Variants in CACNG4 observed in about 807,000 individuals in gnomAD.
CACNG4 encodes voltage-dependent calcium channel gamma-4 subunit.
A neutral mutation model predicts 22.9 loss-of-function variants in CACNG4; 8 were observed. That is an observed-to-expected ratio of 0.35 (90% CI 0.21 to 0.63). CACNG4 has a LOEUF of 0.63. Ranked by LOEUF, CACNG4 falls within the 30% of genes least tolerant of loss-of-function variation. The pLI is 0.72. For missense variants in CACNG4, 357 were observed against 455.4 expected (o/e 0.78, Z 1.97); for synonymous variants, 188 against 191.9 (o/e 0.98, Z 0.17).
At chr17:67,029,663 C>CAA (rs1473133960) in intron 3 of CACNG4, among the ~76,000 whole-genome samples, 5 of 138,898 alleles carry the variant, frequency 3.6e-5, no homozygotes, top group Admixed American at 7.4e-5. Flanking sequence ...CAAACAAAAA[C>CAA]AAACAAATCC....
intron 1 of CACNG4, among the ~76,000 whole-genome samples, chr17:66,985,951 A>AAG (rs1236210894): frequency 1.4e-5 from 2 of 147,714 alleles, no homozygotes; most frequent in East Asian, 1.9e-4. Flanking sequence ...AGGAAAAAAA[A>AAG]AAGAAGAAGA....
rs2035620964 is a variant in CACNG4, at chr17:67,033,268, C to T, written c.*2264C>T. 6.6e-6 allele frequency: 1 copy of T among 152,330 alleles called. No individual in the cohort carries two copies. The allele number at this position is 152,330 out of a possible 1,614,324, so 9.4% of individuals were successfully genotyped here. On this transcript the variant is annotated 3_prime_UTR_variant, in exon 4 of 4. Coordinates refer to ENST00000262138, the MANE Select transcript of CACNG4 (RefSeq NM_014405.4). ...TGGCCTGTGCCCACCTTCTCTCCCT[C>T]CTCCCGACCCGCCCCCTCGCCCCCA... is the stretch of plus-strand genomic sequence containing the variant.
At chr17:67,018,118 C>T (rs1462182357) in intron 1 of CACNG4, 71 bp from the exon 2 acceptor site, 3 of 1,162,382 alleles carry the variant, frequency 2.6e-6, no homozygotes, top group East Asian at 2.3e-5. Flanking sequence ...ACATGGCAAC[C>T]GTGTCTGGAG....
intron 1 of CACNG4, among the ~76,000 whole-genome samples, chr17:66,999,103 T>A (rs1174629155): frequency 6.6e-6 from 1 of 152,124 alleles, no homozygotes; most frequent in Non-Finnish European, 1.5e-5. Flanking sequence ...GGCAACTCAC[T>A]GAACCTCTCA....
chr17:67,015,282 A>G (rs980520990), intron 1 of CACNG4, among the ~76,000 whole-genome samples: 41 of 152,204 alleles, frequency 2.7e-4, no homozygotes, highest in African/African-American at 9.4e-4. Context: ...CCCAAAGCTT[A>G]CATGCTGTAT....
intron 1 of CACNG4, among the ~76,000 whole-genome samples, chr17:66,971,495 A>T (rs1283797537): frequency 1.3e-5 from 2 of 152,176 alleles, no homozygotes; most frequent in African/African-American, 4.8e-5. Flanking sequence ...TGCAGAAAGG[A>T]CAGACAGGTC....
At chr17:66,974,796 T>C (rs2035226054) in intron 1 of CACNG4, among the ~76,000 whole-genome samples, 1 of 152,204 alleles carries the variant, frequency 6.6e-6, no homozygotes, top group African/African-American at 2.4e-5. Flanking sequence ...CCCCAGGCTC[T>C]CTGCAGGCTT....
intron 1 of CACNG4, among the ~76,000 whole-genome samples, chr17:67,010,886 C>A (rs1005954855): frequency 6.6e-6 from 1 of 152,168 alleles, no homozygotes; most frequent in Non-Finnish European, 1.5e-5. Flanking sequence ...CAGAGAGACA[C>A]AGGCATGCTC....
At chr17:66,973,722 C>G (rs2035218794) in intron 1 of CACNG4, among the ~76,000 whole-genome samples, 1 of 152,214 alleles carries the variant, frequency 6.6e-6, no homozygotes, top group Non-Finnish European at 1.5e-5. Flanking sequence ...ATGACAGCCT[C>G]CCCTCAACAA....
chr17:66,981,553 G>A (rs2035272829), intron 1 of CACNG4, among the ~76,000 whole-genome samples: 1 of 152,202 alleles, frequency 6.6e-6, no homozygotes, highest in African/African-American at 2.4e-5. Context: ...GCAAAGCACT[G>A]GGTCAGGGTT....
chr17:66,971,945 A>G (rs1195139282), intron 1 of CACNG4, among the ~76,000 whole-genome samples: 2 of 152,092 alleles, frequency 1.3e-5, no homozygotes, highest in Non-Finnish European at 2.9e-5. Context: ...GGAGATGGAG[A>G]TATCAGGAGG....
chr17:66,972,678 C>A (rs557570172), intron 1 of CACNG4, among the ~76,000 whole-genome samples: 98 of 152,290 alleles, frequency 6.4e-4, no homozygotes, highest in African/African-American at 2.2e-3. Flanking sequence ...GTAATCCCAG[C>A]ACTTTGGGAG....
chr17:66,999,273 A>C (rs1775957685), intron 1 of CACNG4, among the ~76,000 whole-genome samples: 1 of 131,266 alleles, frequency 7.6e-6, no homozygotes, highest in African/African-American at 3.3e-5. Flanking sequence ...TTGGCAGTAG[A>C]GTTGGTGGTG....
chr17:66,975,217 C>A (rs1359644386), intron 1 of CACNG4, among the ~76,000 whole-genome samples: 1 of 152,190 alleles, frequency 6.6e-6, no homozygotes, highest in African/African-American at 2.4e-5. Flanking sequence ...GAGTAAAAAT[C>A]ATCAGTCTCC....
At position 66,977,823 on chromosome 17, in the gene CACNG4, C is replaced by T. The variant is rs541310201; in HGVS notation, c.220+12692C>T. ...ACCTGCTGAGTGCCTGGCTTCAGGC[C>T]GGGCATTGTGGGCACAGAAAGCCCC... On this transcript the variant is annotated intron_variant, in intron 1 of 3. Transcript: ENST00000262138. Among the ~76,000 whole-genome samples, 193 of 152,284 alleles carry T rather than the reference C, an allele frequency of 1.3e-3. 1 individual carries two copies. In the South Asian group the frequency reaches 0.017, roughly 14 times the overall value.
Position 67,031,315 on chromosome 17 carries a change from G to A in CACNG4, c.*311G>A, listed in dbSNP as rs572096241. The A allele has an allele frequency of 3.0e-5, 17 of 570,876 alleles. No individual in the cohort carries two copies. The East Asian group carries it at 7.1e-4, about 24-fold the overall frequency. The allele number at this position is 570,876 out of a possible 1,614,324, so 35.4% of individuals were successfully genotyped here. ...GGCTGCCTGGCCTTGATCAACTTGG[G>A]AAGACAAAATTGAGCCATTATCTCC... On this transcript the variant is annotated 3_prime_UTR_variant, in exon 4 of 4. Coordinates refer to ENST00000262138, the MANE Select transcript of CACNG4 (RefSeq NM_014405.4). This position sits in a 1 kb window ranked among gnomAD's most constrained non-coding sequence, Gnocchi z 4.0.
chr17:66,965,695 G>GGTGGGGGCAGAA (rs1274687374), intron 1 of CACNG4, among the ~76,000 whole-genome samples: 33 of 151,448 alleles, frequency 2.2e-4, no homozygotes, highest in African/African-American at 7.5e-4. Flanking sequence ...CGGGCTGAGG[G>GGTGGGGGCAGAA]GTGGGGGCAG....
chr17:66,997,457 A>G (rs1316792865), intron 1 of CACNG4, among the ~76,000 whole-genome samples: 1 of 152,066 alleles, frequency 6.6e-6, no homozygotes, highest in Non-Finnish European at 1.5e-5. Flanking sequence ...CCCCTGTTGG[A>G]CTTCTAGGTG....
At position 67,025,006 on chromosome 17, in the gene CACNG4, C is replaced by T. The variant is rs780691816; in HGVS notation, c.445+6C>T. ...CATCCTCTTCGTGGCTGCAGGTGAG[C>T]CGCCCGCCCGGGCTGGTGCTGGGCC... On this transcript the variant is annotated splice_donor_region_variant and intron_variant, in intron 3 of 3. Transcript: ENST00000262138. The T allele has an allele frequency of 1.1e-5, 18 of 1,579,818 alleles. No homozygotes were observed. In the East Asian group the frequency reaches 3.7e-4, roughly 32 times the overall value.
Sources: gnomAD v4.1 joint callset for allele counts (sites outside exome capture counted in the v4.1 genomes callset) on GRCh38, gnomAD v4.1.1 for gene constraint, Gnocchi (gnomAD v3.1) non-coding constraint, MANE v1.5 for transcripts, NCBI Gene and HGNC (gene_info 2026-07-23, HGNC 2026-07-21) for gene names.